The following PLD1 variants were observed in gnomAD, a reference collection of about 807,000 sequenced individuals.
The protein encoded by PLD1 is phospholipase D1.
PLD1 carries 112 observed loss-of-function variants against 137.1 expected under a neutral mutation model. That is an observed-to-expected ratio of 0.82 (90% CI 0.70 to 0.96). The LOEUF is 0.96. Ranked by LOEUF, PLD1 falls within the 40% of genes least tolerant of loss-of-function variation. The pLI is 0.00. For synonymous variants in PLD1, 431 were observed against 454.7 expected, an observed-to-expected ratio of 0.95 and a Z score of 0.66; for missense variants, 1,321 against 1,342.0, an observed-to-expected ratio of 0.98 and a Z score of 0.24.
At chr3:171,793,011 T>A in intron 1 of PLD1, 1 of 277,538 alleles carries the variant, frequency 3.6e-6, no homozygotes, top group South Asian at 3.4e-5. Context: ...GCATTGAAGG[T>A]CCTACGGATC....
chr3:171,710,474 G>C (rs143970674), intron 9 of PLD1, among the ~76,000 whole-genome samples: 2 of 152,148 alleles, frequency 1.3e-5, no homozygotes, highest in Admixed American at 1.3e-4. Flanking sequence ...CGTGAGGAGC[G>C]CGCAGCCGAG....
intron 1 of PLD1, among the ~76,000 whole-genome samples, chr3:171,785,664 C>T (rs1722985439): frequency 6.6e-6 from 1 of 152,184 alleles, no homozygotes; most frequent in Admixed American, 6.5e-5. Flanking sequence ...GTCTTGAACT[C>T]CTGACCTCAT....
In PLD1 at chr3:171,688,672, T is replaced by C; in HGVS notation, c.1539+4A>G. 1 of 1,605,590 alleles carries C rather than the reference T, an allele frequency of 6.2e-7. No individual in the cohort carries two copies. On this transcript the variant is annotated splice_donor_region_variant and intron_variant, in intron 14 of 26. Coordinates refer to ENST00000351298, the MANE Select transcript of PLD1 (RefSeq NM_002662.5). ...ACATTTCCATAAAGGTTAAATATACTTACTGGGAGGGAACCCAGAGACGGT... is the reference window on the plus strand; with the variant it reads ...ACATTTCCATAAAGGTTAAATATACCTACTGGGAGGGAACCCAGAGACGGT...
chr3:171,645,004 C>T lies in PLD1; in HGVS notation c.2449G>A (p.Val817Ile), dbSNP rs200525060. ...KAHRENQKYR[V>I]YVVIPLLPGF... ...GGCAGAAGTGGTATCACGACATATACCCGGTATTTCTGGTTTTCCCTGCAA... is the reference window on the plus strand; with the variant it reads ...GGCAGAAGTGGTATCACGACATATATCCGGTATTTCTGGTTTTCCCTGCAA... The change falls in exon 22 of 27, where the codon GTA (valine) becomes ATA (isoleucine). Residue 817 changes from valine to isoleucine, a missense_variant. Physicochemically the swap from Val to Ile is conservative, Grantham distance 29. Transcript: ENST00000351298. 16 of 1,612,710 alleles carry T rather than the reference C, an allele frequency of 9.9e-6. No homozygotes were observed. The Admixed American group carries it at 1.0e-4, about 10-fold the overall frequency.
rs9882641 is a variant in PLD1 at position 171,724,984 on chromosome 3, G to A, written c.666-196C>T. On this transcript the variant is annotated intron_variant, in intron 7 of 26. Transcript: ENST00000351298. ...TAGAGGCGAACCCTAAAATACACTG[G>A]TGAGATATAGCCCCTTCAGCATTCG... 0.14 allele frequency among the ~76,000 whole-genome samples: 20,909 copies of A among 151,986 alleles called. 1,506 individuals are homozygous for A. The highest frequency in any genetic ancestry group is 0.22 in the South Asian group (1,064 of 4,816).
At chr3:171,741,488 A>G (rs1719767887) in intron 1 of PLD1, among the ~76,000 whole-genome samples, 1 of 152,238 alleles carries the variant, frequency 6.6e-6, no homozygotes, top group South Asian at 2.1e-4. Context: ...CCACAGGCAC[A>G]GCCTATATTA....
intron 1 of PLD1, among the ~76,000 whole-genome samples, chr3:171,743,070 T>C (rs1719895304): frequency 6.6e-6 from 1 of 152,198 alleles, no homozygotes; most frequent in Non-Finnish European, 1.5e-5. Flanking sequence ...ATCCTTACTA[T>C]GAGTGTAACC....
intron 21 of PLD1, among the ~76,000 whole-genome samples, chr3:171,648,755 C>T (rs1303204187): frequency 3.3e-5 from 5 of 152,056 alleles, no homozygotes; most frequent in East Asian, 1.9e-4. Flanking sequence ...GGGGTTTCAC[C>T]GTGTTAGCCA....
At position 171,746,273 on chromosome 3, in the gene PLD1, C is replaced by T. The variant is rs370624658; in HGVS notation, c.-31-8191G>A. Among the ~76,000 whole-genome samples the T allele has an allele frequency of 3.9e-5, 6 of 152,316 alleles. No homozygotes were observed. The South Asian group carries it at 6.2e-4, about 16-fold the overall frequency. On this transcript the variant is annotated intron_variant, in intron 1 of 26. Transcript: ENST00000351298. ...AGCTGAGGAGTGCAGGCTCGCAGCG[C>T]GGGACTGGCGGGCAGCTCAGCCTGC...
At chr3:171,647,238 G>GT (rs1413281922) in intron 21 of PLD1, among the ~76,000 whole-genome samples, 2 of 152,146 alleles carry the variant, frequency 1.3e-5, no homozygotes, top group Admixed American at 1.3e-4. Context: ...ATGGGATCAG[G>GT]TTGGAAAAAT....
rs753492881 is a variant in PLD1, at chr3:171,737,526, T to C, written c.288+6A>G. On this transcript the variant is annotated splice_donor_region_variant and intron_variant, in intron 3 of 26. Transcript: ENST00000351298. ...GAAAAAAGGGTGAGTCCATAAACGC[T>C]CTGACCCTTGTTGTAGATGTGAAGC... is the stretch of plus-strand genomic sequence containing the variant. 3.7e-6 allele frequency: 6 copies of C among 1,602,916 alleles called. No homozygotes were observed. Among genetic ancestry groups the C allele is most frequent in the Non-Finnish European group, 5.1e-6 (6 of 1,177,218 alleles).
At chr3:171,679,271 AGGC>A (rs1713707658) in intron 16 of PLD1, among the ~76,000 whole-genome samples, 1 of 152,250 alleles carries the variant, frequency 6.6e-6, no homozygotes, top group South Asian at 2.1e-4. Context: ...AACCTTTCAA[AGGC>A]TATTAAAGTT....
At chr3:171,782,719 G>A (rs1463009103) in intron 1 of PLD1, among the ~76,000 whole-genome samples, 2 of 152,158 alleles carry the variant, frequency 1.3e-5, no homozygotes, top group African/African-American at 2.4e-5. Flanking sequence ...GAGACAGTGA[G>A]AACTGACAAC....
chr3:171,660,776 T>C (rs1737605323), intron 20 of PLD1, among the ~76,000 whole-genome samples: 1 of 151,910 alleles, frequency 6.6e-6, no homozygotes, highest in Non-Finnish European at 1.5e-5. Flanking sequence ...CGGCTAATTT[T>C]TTTGTATTTT....
chr3:171,701,412 A>G (rs190452236), intron 11 of PLD1, among the ~76,000 whole-genome samples: 23 of 152,370 alleles, frequency 1.5e-4, no homozygotes, highest in African/African-American at 5.5e-4. Context: ...ATAGCCAACA[A>G]CATATATACA....
rs369273677 is a variant in PLD1 at position 171,620,718 on chromosome 3, T to TTCTCTC, written c.2594-204_2594-199dup. Among the ~76,000 whole-genome samples, 1,031 of 103,990 alleles carry TTCTCTC rather than the reference T, an allele frequency of 9.9e-3. 8 individuals are homozygous for TTCTCTC. Among genetic ancestry groups the TTCTCTC allele is most frequent in the African/African-American group, 0.021 (596 of 27,794 alleles). The allele number at this position is 103,990 out of a possible 152,430, so 68.2% of individuals were successfully genotyped here. ...TTTCATATTGTCAGTCTGAATGGCT[T>TTCTCTC]TCTCTCTCTCTCTCTCTCTCTCTCT... On this transcript the variant is annotated intron_variant, in intron 23 of 26. Coordinates refer to ENST00000351298, the MANE Select transcript of PLD1 (RefSeq NM_002662.5).
chr3:171,659,239 A>G lies in PLD1; in HGVS notation c.2403T>C (p.Ile801=), dbSNP rs573463169. ...TGTGAGCTTTCAGGATCCTCTGGGC[A>G]ATGGCATCGCCTATCTTGTTGAACA... ...KVVFNKIGDA[I]AQRILKAHRE... The change falls in exon 21 of 27, where the codon ATT becomes ATC. Residue 801 remains isoleucine (I), a synonymous_variant. Transcript: ENST00000351298. 1.9e-6 allele frequency: 3 copies of G among 1,613,284 alleles called. No individual in the cohort carries two copies. Among genetic ancestry groups the G allele is most frequent in the Middle Eastern group, 1.7e-4 (1 of 6,056 alleles).
intron 23 of PLD1, among the ~76,000 whole-genome samples, chr3:171,621,362 C>T (rs1733616894): frequency 6.6e-6 from 1 of 152,006 alleles, no homozygotes. Context: ...AAGTCTGATA[C>T]CAAGAATAAA....
At chr3:171,749,158 C>A (rs1380845206) in intron 1 of PLD1, among the ~76,000 whole-genome samples, 3 of 151,998 alleles carry the variant, frequency 2.0e-5, no homozygotes, top group African/African-American at 7.3e-5. Context: ...GCAACAAAAA[C>A]AATAATGAAG....
Sources: allele counts gnomAD v4.1 joint callset (sites outside exome capture counted in the v4.1 genomes callset), GRCh38; gene constraint gnomAD v4.1.1; transcripts MANE v1.5; gene names NCBI Gene and HGNC (gene_info 2026-07-23, HGNC 2026-07-21).